Variants in KANK1 observed in about 807,000 individuals in gnomAD.
The protein encoded by KANK1 is KN motif and ankyrin repeat domains 1, also known as KN motif and ankyrin repeat domain-containing protein 1.
In KANK1, 109 loss-of-function variants were observed where a neutral mutation model predicts 106.2. The ratio of observed to expected loss-of-function variants is 1.03; its 90% CI spans 0.88 to 1.20. The LOEUF is 1.20. KANK1 is among the 50% of genes most tolerant of loss of function. KANK1 has a pLI of 0.00. For synonymous variants in KANK1, 873 were observed against 652.2 expected, an observed-to-expected ratio of 1.34 and a Z score of -5.16; for missense variants, 2,399 against 1,710.7, an observed-to-expected ratio of 1.40 and a Z score of -7.10.
intron 1 of KANK1, among the ~76,000 whole-genome samples, chr9:519,964 G>T (rs1587460426): frequency 6.6e-6 from 1 of 151,868 alleles, no homozygotes; most frequent in East Asian, 1.9e-4. Context: ...TATGCTCAGT[G>T]ACTTAAAACA....
upstream of KANK1, among the ~76,000 whole-genome samples, chr9:503,591 C>T (rs781429272): frequency 6.6e-6 from 1 of 152,172 alleles, no homozygotes; most frequent in Non-Finnish European, 1.5e-5. Context: ...GTGTGTAACG[C>T]CCTGCTGGAT....
chr9:658,298 A>G (rs149192734), intron 1 of KANK1, among the ~76,000 whole-genome samples: 1 of 152,190 alleles, frequency 6.6e-6, no homozygotes, highest in East Asian at 1.9e-4. Flanking sequence ...AATGACTTTT[A>G]ACTTAGAAGA....
intron 1 of KANK1, among the ~76,000 whole-genome samples, chr9:599,413 T>C (rs1827163015): frequency 6.6e-6 from 1 of 151,770 alleles, no homozygotes; most frequent in Non-Finnish European, 1.5e-5. Context: ...TTCTGTAGAG[T>C]GGTCTCTGTT....
At position 504,707 on chromosome 9, in the gene KANK1, C is replaced by G. The variant is rs910193284; in HGVS notation, c.-131C>G. The G allele has an allele frequency of 6.7e-6, 1 of 148,698 alleles. No individual in the cohort carries two copies. Among genetic ancestry groups the G allele is most frequent in the Admixed American group, 6.8e-5 (1 of 14,604 alleles). 9.2% of individuals were successfully genotyped at this position (148,698 alleles called of 1,614,324 possible). On this transcript the variant is annotated 5_prime_UTR_variant, in exon 1 of 12. Coordinates refer to ENST00000382297, the MANE Select transcript of KANK1 (RefSeq NM_015158.5). The stretch of plus-strand genomic sequence containing the variant: ...CCCGCCCTTCCCCGAGCTCCGGGTC[C>G]GCGGCGGAGCGAGCGAGCGGCCGGC...
At position 569,822 on chromosome 9, in the gene KANK1, T is replaced by C. The variant is rs139584511; in HGVS notation, c.-84+65068T>C. ...ATTTTGTAATCATTTTTCAAACAGA[T>C]TGGGTGTTTTTTTTTTCTCATTTCA... is the stretch of plus-strand genomic sequence containing the variant. On this transcript the variant is annotated intron_variant, in intron 1 of 11. Coordinates refer to ENST00000382297, the MANE Select transcript of KANK1 (RefSeq NM_015158.5). Among the ~76,000 whole-genome samples, 453 of 152,190 alleles carry C rather than the reference T, an allele frequency of 3.0e-3. 2 individuals are homozygous for C. The highest frequency in any genetic ancestry group is 0.011 in the African/African-American group (439 of 41,520).
At position 745,559 on chromosome 9, in the gene KANK1, TCTCA is replaced by T. The variant is rs1396512411; in HGVS notation, c.*327_*330del. On this transcript the variant is annotated 3_prime_UTR_variant, in exon 12 of 12. Transcript: ENST00000382297. ...TCACTCCCACAAAGTGGTGTCTGGT[TCTCA>T]CTGAGACGTTTTAAGATTTTTCCAC... is the stretch of plus-strand genomic sequence containing the variant. 9 of 200,944 alleles carry T rather than the reference TCTCA, an allele frequency of 4.5e-5. No individual in the cohort carries two copies. Among genetic ancestry groups the T allele is most frequent in the African/African-American group, 1.6e-4 (7 of 43,286 alleles). The allele number at this position is 200,944 out of a possible 1,614,324, so 12.4% of individuals were successfully genotyped here.
intron 3 of KANK1, among the ~76,000 whole-genome samples, chr9:491,679 C>A (rs779763222): frequency 1.3e-5 from 2 of 152,152 alleles, no homozygotes; most frequent in Non-Finnish European, 2.9e-5. Context: ...AGGGAAACGT[C>A]AAACACAAAT....
chr9:730,860 G>T (rs868710555), intron 4 of KANK1: 2 of 221,250 alleles, frequency 9.0e-6, no homozygotes, highest in Admixed American at 1.1e-4. Context: ...CTTGAGGCTC[G>T]TGAGACACGA....
chr9:498,469 T>C (rs1280555925), intron 3 of KANK1, among the ~76,000 whole-genome samples: 1 of 152,212 alleles, frequency 6.6e-6, no homozygotes, highest in African/African-American at 2.4e-5. Flanking sequence ...ATGCTGTCAG[T>C]AGGATAGTCC....
intron 2 of KANK1, among the ~76,000 whole-genome samples, chr9:689,483 G>C (rs1031335828): frequency 6.6e-6 from 1 of 152,130 alleles, no homozygotes; most frequent in Non-Finnish European, 1.5e-5. Flanking sequence ...AGCGGATCCT[G>C]CTAATCCAGG....
In KANK1 at chr9:745,184, G is replaced by C. The variant is rs1030165144; in HGVS notation, c.4008G>C (p.Arg1336Ser). The C allele has an allele frequency of 1.2e-6, 2 of 1,614,068 alleles. No homozygotes were observed. The highest frequency in any genetic ancestry group is 1.7e-5 in the Admixed American group (1 of 60,026). Residue 1336 changes from arginine (R) to serine (S), a missense_variant, in exon 12 of 12, where the codon AGG (arginine) becomes AGC (serine). Transcript: ENST00000382297. Reference protein sequence around the residue: ...FAKAQSPGTPRLGRKTSPGPT... With the variant: ...FAKAQSPGTPSLGRKTSPGPT... ...TTCCTGGTCTCTAGGGCACCCCTAGGCTTGGAAGGAAGACGTCTCCTGGCC... is the reference window on the plus strand; with the variant it reads ...TTCCTGGTCTCTAGGGCACCCCTAGCCTTGGAAGGAAGACGTCTCCTGGCC...
intron 3 of KANK1, among the ~76,000 whole-genome samples, chr9:727,630 A>G (rs1024936501): frequency 2.0e-5 from 3 of 151,832 alleles, no homozygotes; most frequent in African/African-American, 7.3e-5. Context: ...CCAGGGAAAA[A>G]TTAAAACTAC....
At chr9:736,913 G>C (rs903039447) in intron 7 of KANK1, among the ~76,000 whole-genome samples, 1 of 152,090 alleles carries the variant, frequency 6.6e-6, no homozygotes, top group Non-Finnish European at 1.5e-5. Flanking sequence ...TTCTTTCACT[G>C]TTCTCAAAAT....
chr9:676,674 A>G (rs1816473385), intron 1 of KANK1, among the ~76,000 whole-genome samples: 1 of 152,210 alleles, frequency 6.6e-6, no homozygotes, highest in Non-Finnish European at 1.5e-5. Flanking sequence ...TATTATGTGT[A>G]GAGACCCCCT....
intron 1 of KANK1, among the ~76,000 whole-genome samples, chr9:623,538 G>A (rs1226688347): frequency 1.3e-5 from 2 of 150,832 alleles, no homozygotes; most frequent in Non-Finnish European, 2.9e-5. Context: ...CGAAGAGGTC[G>A]AGACTGCATT....
chr9:592,849 T>G (rs1825308274), intron 1 of KANK1, among the ~76,000 whole-genome samples: 1 of 151,808 alleles, frequency 6.6e-6, no homozygotes, highest in African/African-American at 2.4e-5. Flanking sequence ...TTTTCTTTCT[T>G]CTGTTTGCTT....
chr9:685,143 A>T (rs1160350354), intron 2 of KANK1, among the ~76,000 whole-genome samples: 2 of 152,228 alleles, frequency 1.3e-5, no homozygotes, highest in African/African-American at 4.8e-5. Flanking sequence ...CATGTTTTAC[A>T]GGCTAAGCCT....
chr9:608,031 A>AGTTTTT (rs1829681222), intron 1 of KANK1, among the ~76,000 whole-genome samples: 1 of 88,100 alleles, frequency 1.1e-5, no homozygotes, highest in African/African-American at 4.2e-5. Context: ...TATTATTATT[A>AGTTTTT]TTATTTTTTT....
intron 1 of KANK1, among the ~76,000 whole-genome samples, chr9:639,988 T>A (rs2137102594): frequency 6.6e-6 from 1 of 152,242 alleles, no homozygotes; most frequent in Non-Finnish European, 1.5e-5. Context: ...CTTAATGCCA[T>A]CCCGTTGAAG....
Sources: gnomAD v4.1 joint callset for allele counts (sites outside exome capture counted in the v4.1 genomes callset) on GRCh38, gnomAD v4.1.1 for gene constraint, MANE v1.5 for transcripts, NCBI Gene and HGNC (gene_info 2026-07-23, HGNC 2026-07-21) for gene names.